Variants in RALGAPA2 observed in about 807,000 individuals in gnomAD.
The protein encoded by RALGAPA2 is ral GTPase-activating protein subunit alpha-2.
Under a neutral mutation model 230.4 loss-of-function variants are expected in RALGAPA2, and 139 were observed. That is an observed-to-expected ratio of 0.60 (90% CI 0.53 to 0.69). RALGAPA2 has a LOEUF of 0.69. Ranked by LOEUF, RALGAPA2 falls within the 30% of genes least tolerant of loss-of-function variation. RALGAPA2 has a pLI of 0.00. For missense variants in RALGAPA2, 2,163 were observed against 2,276.0 expected (o/e 0.95, Z 1.01); for synonymous variants, 847 against 837.8 (o/e 1.01, Z -0.19).
At chr20:20,581,775 T>TA (rs1271841140) in intron 20 of RALGAPA2, among the ~76,000 whole-genome samples, 1 of 152,092 alleles carries the variant, frequency 6.6e-6, no homozygotes, top group Non-Finnish European at 1.5e-5. Context: ...ATTTCCCAAA[T>TA]ATCAGAGACG....
chr20:20,557,033 AG>A (rs1270480245), intron 23 of RALGAPA2, among the ~76,000 whole-genome samples: 1 of 152,092 alleles, frequency 6.6e-6, no homozygotes, highest in African/African-American at 2.4e-5. Context: ...TGGGCGGCCG[AG>A]CGTGATGGCT....
At position 20,446,325 on chromosome 20, in the gene RALGAPA2, T is replaced by C. The variant is rs6046865; in HGVS notation, c.5495+26504A>G. 1.9e-3 allele frequency among the ~76,000 whole-genome samples: 293 copies of C among 152,346 alleles called. 1 individual carries two copies. The highest frequency in any genetic ancestry group is 6.6e-3 in the African/African-American group (273 of 41,586). ...AAAAACATTCTGAATATATTATAAA[T>C]TGGTTAAACACATATGCTGGCAGAT... On this transcript the variant is annotated intron_variant, in intron 37 of 39. Transcript: ENST00000202677.
At chr20:20,457,741 G>A (rs978115521) in intron 37 of RALGAPA2, among the ~76,000 whole-genome samples, 2 of 152,246 alleles carry the variant, frequency 1.3e-5, no homozygotes, top group Non-Finnish European at 2.9e-5. Flanking sequence ...GGGGCACGGT[G>A]TGAGTAAAAT....
chr20:20,598,453 A>C (rs2065530240), intron 16 of RALGAPA2, among the ~76,000 whole-genome samples: 1 of 152,150 alleles, frequency 6.6e-6, no homozygotes, highest in Non-Finnish European at 1.5e-5. Context: ...TATCCTTCTT[A>C]ATTGTTATTG....
intron 7 of RALGAPA2, 70 bp from the exon 8 acceptor site, chr20:20,637,571 G>A: frequency 7.0e-6 from 9 of 1,294,880 alleles, no homozygotes; most frequent in Non-Finnish European, 9.3e-6. Flanking sequence ...AAACTGAAGT[G>A]TTGTTATGTT....
intron 6 of RALGAPA2, 148 bp downstream of exon 6, chr20:20,640,552 GT>G: frequency 1.4e-6 from 1 of 725,994 alleles, no homozygotes; most frequent in Non-Finnish European, 2.2e-6. Context: ...TGATTCTAAG[GT>G]ATGTAAGAAT....
At position 20,437,332 on chromosome 20, in the gene RALGAPA2, G is replaced by A. The variant is rs1215689764; in HGVS notation, c.5496-25184C>T. On this transcript the variant is annotated intron_variant, in intron 37 of 39. Coordinates refer to ENST00000202677, the MANE Select transcript of RALGAPA2 (RefSeq NM_020343.4). This position sits in a 1 kb window ranked among gnomAD's most constrained non-coding sequence, Gnocchi z 4.1. ...CCATCAATCCAGAACCTGACCACTT[G>A]TCACCACCACACGCCACCATCCAGG... is the stretch of plus-strand genomic sequence containing the variant. 1.3e-5 allele frequency among the ~76,000 whole-genome samples: 2 copies of A among 151,904 alleles called. No individual in the cohort carries two copies. Among genetic ancestry groups the A allele is most frequent in the African/African-American group, 4.8e-5 (2 of 41,350 alleles).
Position 20,591,244 on chromosome 20 carries a change from C to T in RALGAPA2, c.2274G>A (p.Gln758=), listed in dbSNP as rs2065281100. 3 of 1,613,954 alleles carry T rather than the reference C, an allele frequency of 1.9e-6. No homozygotes were observed. In the African/African-American group the frequency reaches 4.0e-5, roughly 22 times the overall value. The change falls in exon 17 of 40, where the codon CAG becomes CAA. Residue 758 remains glutamine, a synonymous_variant. Transcript: ENST00000202677. ...TGCTGCTGCTCCGAAGGACCTGCTG[C>T]TGCTGTCCCACTGTGAGATGGCCAG... ...AGSGHLTVGQ[Q]QQVLRSSSTS...
intron 35 of RALGAPA2, among the ~76,000 whole-genome samples, chr20:20,500,274 T>C (rs1434555971): frequency 1.3e-5 from 2 of 152,240 alleles, no homozygotes; most frequent in African/African-American, 2.4e-5. Context: ...CTCTGTAGCA[T>C]GTGATGGTGT....
intron 35 of RALGAPA2, among the ~76,000 whole-genome samples, chr20:20,500,387 T>G (rs2062338246): frequency 6.6e-6 from 1 of 152,236 alleles, no homozygotes; most frequent in African/African-American, 2.4e-5. Flanking sequence ...ATTCTAAATC[T>G]TTTGTTGTAA....
intron 16 of RALGAPA2, among the ~76,000 whole-genome samples, chr20:20,597,658 G>C (rs1002843590): frequency 6.6e-6 from 1 of 152,030 alleles, no homozygotes; most frequent in Non-Finnish European, 1.5e-5. Context: ...GGCCAACATG[G>C]TGAAACCTCA....
intron 37 of RALGAPA2, among the ~76,000 whole-genome samples, chr20:20,441,114 A>G (rs2060729677): frequency 6.6e-6 from 1 of 152,256 alleles, no homozygotes; most frequent in Admixed American, 6.5e-5. Context: ...TGCAAATAAA[A>G]AACAAACAAA....
intron 1 of RALGAPA2, among the ~76,000 whole-genome samples, chr20:20,686,943 TCTC>T (rs960569888): frequency 1.2e-4 from 18 of 151,988 alleles, no homozygotes; most frequent in African/African-American, 4.1e-4. Context: ...CGTGTTCAGT[TCTC>T]CTCTAATAGG....
At chr20:20,588,426 T>C (rs145194275) in intron 18 of RALGAPA2, among the ~76,000 whole-genome samples, 126 of 152,274 alleles carry the variant, frequency 8.3e-4, no homozygotes, top group African/African-American at 3.0e-3. Context: ...TAGAGATACA[T>C]AGTTACATAG....
intron 23 of RALGAPA2, among the ~76,000 whole-genome samples, chr20:20,568,775 G>A (rs550895239): frequency 3.3e-5 from 5 of 152,156 alleles, no homozygotes; most frequent in African/African-American, 4.8e-5. Flanking sequence ...AAGCTGCGTC[G>A]TGCAGACAAG....
intron 17 of RALGAPA2, among the ~76,000 whole-genome samples, chr20:20,590,852 G>A (rs556985063): frequency 1.3e-5 from 2 of 151,936 alleles, no homozygotes; most frequent in South Asian, 4.2e-4. Context: ...TACCTAACTT[G>A]ATGCCCTACT....
rs2065968979 is a variant in RALGAPA2 at position 20,611,342 on chromosome 20, G to A, written c.1773C>T (p.Ala591=). 1.9e-6 allele frequency: 3 copies of A among 1,612,900 alleles called. No individual in the cohort carries two copies. Among genetic ancestry groups the A allele is most frequent in the Non-Finnish European group, 2.5e-6 (3 of 1,179,356 alleles). Residue 591 remains alanine, a synonymous_variant, in exon 14 of 40, where the codon GCC becomes GCT. Transcript: ENST00000202677. ...PKDKQIKDLF[A]QSLAGLLFRT... The stretch of plus-strand genomic sequence containing the variant: ...TAAATAGTAACCCTGCCAAGCTCTG[G>A]GCAAACAAGTCCTTTATTTGTTTAT...
intron 30 of RALGAPA2, among the ~76,000 whole-genome samples, chr20:20,521,631 G>A (rs1012117018): frequency 6.6e-6 from 1 of 152,216 alleles, no homozygotes; most frequent in Non-Finnish European, 1.5e-5. Flanking sequence ...ACAAATTGCA[G>A]TTGATTGAAG....
intron 3 of RALGAPA2, among the ~76,000 whole-genome samples, chr20:20,669,716 G>C (rs1416465364): frequency 6.6e-6 from 1 of 152,136 alleles, no homozygotes; most frequent in Non-Finnish European, 1.5e-5. Context: ...TTTTGCCTTG[G>C]TGCTTCCCTG....
Sources: gnomAD v4.1 joint callset for allele counts (sites outside exome capture counted in the v4.1 genomes callset) on GRCh38, gnomAD v4.1.1 for gene constraint, Gnocchi (gnomAD v3.1) non-coding constraint, MANE v1.5 for transcripts, NCBI Gene and HGNC (gene_info 2026-07-23, HGNC 2026-07-21) for gene names.